PTGES3: variants seen among roughly 807,000 people sequenced by gnomAD.
PTGES3 encodes Hsp90 co-chaperone.
In PTGES3, 5 loss-of-function variants were observed where a neutral mutation model predicts 29.9. That is an observed-to-expected ratio of 0.17 (90% confidence interval 0.09 to 0.35). The LOEUF is 0.35. PTGES3 is among the 10% of genes least tolerant of loss of function. The probability of loss-of-function intolerance (pLI) is 1.00; values close to 1 mark genes in which losing one functional copy is unlikely to be tolerated. For missense variants in PTGES3, 128 were observed against 190.0 expected, an observed-to-expected ratio of 0.67 and a Z score of 1.92; for synonymous variants, 49 against 57.8, an observed-to-expected ratio of 0.85 and a Z score of 0.69.
chr12:56,664,826 G>C (rs373738435), intron 6 of PTGES3, 26 bp from the exon 7 acceptor site: 5 of 1,591,742 alleles, frequency 3.1e-6, no homozygotes, highest in Non-Finnish European at 4.3e-6. Context: ...TAAAGTTACC[G>C]AGCTGATCAA....
intron 1 of PTGES3, among the ~76,000 whole-genome samples, chr12:56,683,069 G>A (rs970045090): frequency 1.3e-5 from 2 of 151,986 alleles, no homozygotes; most frequent in African/African-American, 2.4e-5. Flanking sequence ...TATCATTGCC[G>A]GCTGCGGCAG....
intron 1 of PTGES3, among the ~76,000 whole-genome samples, chr12:56,681,727 C>T (rs996510303): frequency 1.3e-5 from 2 of 149,716 alleles, no homozygotes; most frequent in African/African-American, 4.9e-5. Flanking sequence ...CGGTGGCATG[C>T]GCCTGTAATC....
intron 5 of PTGES3, among the ~76,000 whole-genome samples, chr12:56,670,048 G>A (rs536924251): frequency 6.8e-6 from 1 of 147,982 alleles, no homozygotes; most frequent in African/African-American, 2.5e-5. Context: ...ATTAACTTTT[G>A]TAACTTTTGT....
At chr12:56,676,136 AG>A (rs1707602564) in intron 1 of PTGES3, among the ~76,000 whole-genome samples, 1 of 126,888 alleles carries the variant, frequency 7.9e-6, no homozygotes, top group South Asian at 2.3e-4. Context: ...TGGGAGGGGG[AG>A]GGGGAGGGGG....
At chr12:56,666,086 T>C in intron 6 of PTGES3, 118 bp downstream of exon 6, 1 of 1,402,918 alleles carries the variant, frequency 7.1e-7, no homozygotes, top group East Asian at 2.7e-5. Flanking sequence ...TTTTCCCTTT[T>C]CTTTTTTTTT....
rs561395215 is a variant in PTGES3, at chr12:56,669,636, C to CA, written c.375+638_375+639insT. Among the ~76,000 whole-genome samples, 141 of 151,654 alleles carry CA rather than the reference C, an allele frequency of 9.3e-4. 1 individual carries two copies. The highest frequency in any genetic ancestry group is 3.1e-3 in the African/African-American group (129 of 41,324). On this transcript the variant is annotated intron_variant, in intron 5 of 7. Coordinates refer to ENST00000262033, the MANE Select transcript of PTGES3 (RefSeq NM_006601.7). ...TTCTGCATTTATTTATTTATTTGAC[C>CA]GAGTCCCGCTCTTTCGCCAGGCTGG...
At chr12:56,679,628 A>C (rs772099876) in intron 1 of PTGES3, among the ~76,000 whole-genome samples, 1 of 152,254 alleles carries the variant, frequency 6.6e-6, no homozygotes, top group African/African-American at 2.4e-5. Flanking sequence ...TTAGTTTAGA[A>C]GCTAAAGTTA....
intron 1 of PTGES3, among the ~76,000 whole-genome samples, chr12:56,680,132 C>T (rs970185296): frequency 2.0e-5 from 3 of 147,744 alleles, no homozygotes; most frequent in African/African-American, 7.6e-5. Context: ...AGTGCAATGG[C>T]GCGATCACAG....
At chr12:56,665,572 G>C in intron 6 of PTGES3, 1 of 985,088 alleles carries the variant, frequency 1.0e-6, no homozygotes, top group Non-Finnish European at 1.2e-6. Context: ...CTGTTTTATC[G>C]GTCTCTGACC....
chr12:56,664,624 G>C (rs921360460), intron 7 of PTGES3, 126 bp from the exon 8 acceptor site: 23 of 1,371,542 alleles, frequency 1.7e-5, no homozygotes, highest in Non-Finnish European at 2.1e-5. Flanking sequence ...AGGTTGTCTT[G>C]CTATCAAGTT....
chr12:56,665,595 A>T, intron 6 of PTGES3: 1 of 985,374 alleles, frequency 1.0e-6, no homozygotes, highest in Non-Finnish European at 1.2e-6. Flanking sequence ...TCCTGACATA[A>T]AACCTATTTA....
chr12:56,679,478 AG>A lies in PTGES3; in HGVS notation c.3-6414del, dbSNP rs138606639. On this transcript the variant is annotated intron_variant, in intron 1 of 7. Coordinates refer to ENST00000262033, the MANE Select transcript of PTGES3 (RefSeq NM_006601.7). ...GGTTTATTGTTGTTTTGCTTTAAGT[AG>A]ATTATTTACATAATGTATGCAGAGG... Among the ~76,000 whole-genome samples, 886 of 151,054 alleles carry A rather than the reference AG, an allele frequency of 5.9e-3. 6 individuals carry two copies. Among genetic ancestry groups the A allele is most frequent in the African/African-American group, 0.021 (859 of 41,202 alleles).
At chr12:56,676,332 G>C (rs766887049) in intron 1 of PTGES3, among the ~76,000 whole-genome samples, 3 of 151,482 alleles carry the variant, frequency 2.0e-5, no homozygotes, top group Non-Finnish European at 2.9e-5. Flanking sequence ...TTTCTCCAGC[G>C]GTCCTTTTAT....
At chr12:56,686,960 A>G (rs1952893086) in intron 1 of PTGES3, 4 of 368,978 alleles carry the variant, frequency 1.1e-5, no homozygotes, top group Non-Finnish European at 1.9e-5. Flanking sequence ...ATTGTTCTCC[A>G]TACCTTTTAG....
intron 1 of PTGES3, among the ~76,000 whole-genome samples, chr12:56,673,485 GAAAAAAAAAAAAA>G (rs1164653881): frequency 1.6e-5 from 1 of 62,884 alleles, no homozygotes; most frequent in African/African-American, 1.0e-4. Context: ...TACAAATACG[GAAAAAAAAAAAAA>G]AAAAAAAAAA....
At chr12:56,687,948 C>G in intron 1 of PTGES3, 50 bp downstream of exon 1, 1 of 1,603,268 alleles carries the variant, frequency 6.2e-7, no homozygotes, top group East Asian at 2.3e-5. Context: ...GCCCCCAACG[C>G]GGCCTCGGCC....
At chr12:56,679,167 T>C (rs934471896) in intron 1 of PTGES3, among the ~76,000 whole-genome samples, 4 of 151,948 alleles carry the variant, frequency 2.6e-5, no homozygotes, top group Non-Finnish European at 4.4e-5. Flanking sequence ...ATCAGCACTT[T>C]GGGAGCCCAA....
intron 6 of PTGES3, 25 bp from the exon 7 acceptor site, chr12:56,664,825 C>T (rs17541818): frequency 0.058 from 93,104 of 1,592,006 alleles, 3,097 homozygotes; most frequent in African/African-American, 0.091. Context: ...ATAAAGTTAC[C>T]GAGCTGATCA....
chr12:56,671,875 TTA>T, intron 3 of PTGES3, 28 bp from the exon 4 acceptor site: 1 of 1,362,712 alleles, frequency 7.3e-7, no homozygotes, highest in Non-Finnish European at 1.0e-6. Flanking sequence ...ATCATACCAT[TTA>T]TCTTTCCAGC....
Sources: allele counts gnomAD v4.1 joint callset (sites outside exome capture counted in the v4.1 genomes callset), GRCh38; gene constraint gnomAD v4.1.1; transcripts MANE v1.5; gene names NCBI Gene and HGNC (gene_info 2026-07-23, HGNC 2026-07-21).